The following CHMP2A variants were observed in gnomAD, a reference collection of about 807,000 sequenced individuals.
The protein encoded by CHMP2A is VPS2 homolog A.
CHMP2A carries 6 observed loss-of-function variants against 21.8 expected under a neutral mutation model. The observed-to-expected ratio is 0.28, with a 90% confidence interval of 0.15 to 0.54. The LOEUF (loss-of-function observed/expected upper bound fraction) is 0.54. Ranked by LOEUF, CHMP2A falls within the 20% of genes least tolerant of loss-of-function variation. The pLI, the probability that CHMP2A is intolerant of heterozygous loss-of-function variation, is 0.95. For missense variants in CHMP2A, 303 were observed against 293.9 expected, an observed-to-expected ratio of 1.03 and a Z score of -0.23; for synonymous variants, 125 against 107.0, an observed-to-expected ratio of 1.17 and a Z score of -1.04.
rs2053841134 is a variant in CHMP2A, at chr19:58,552,358, G to A, written c.249C>T (p.Ile83=). The A allele has an allele frequency of 6.2e-7, 1 of 1,614,090 alleles. No homozygotes were observed. The highest frequency in any genetic ancestry group is 1.1e-5 in the South Asian group (1 of 91,092). The change falls in exon 3 of 6, where the codon ATC becomes ATT. Residue 83 remains isoleucine, a synonymous_variant. Transcript: ENST00000312547. ...TCTGGATCTTGAGGGACACAGCCTGGATGTTGGCCCGCATCAATACAAACT... is the reference window on the plus strand; with the variant it reads ...TCTGGATCTTGAGGGACACAGCCTGAATGTTGGCCCGCATCAATACAAACT... ...VRKFVLMRAN[I]QAVSLKIQTL...
chr19:58,553,298 C>T lies in CHMP2A; in HGVS notation c.168+747G>A, dbSNP rs542491520. 1.3e-3 allele frequency among the ~76,000 whole-genome samples: 199 copies of T among 152,092 alleles called. 2 individuals carry two copies. The highest frequency in any genetic ancestry group is 4.7e-3 in the African/African-American group (194 of 41,480). ...TCCTGACCTCAGGTGATCCACCCAC[C>T]TCAGCCTCCCAAAGTGCTGGGATTA... On this transcript the variant is annotated intron_variant, in intron 2 of 5. Transcript: ENST00000312547.
At position 58,551,964 on chromosome 19, in the gene CHMP2A, A is replaced by G; in HGVS notation, c.483T>C (p.Asp161=). 6.2e-7 allele frequency: 1 copy of G among 1,614,178 alleles called. No homozygotes were observed. Residue 161 remains aspartate (D), a synonymous_variant, in exon 5 of 6, where the codon GAT becomes GAC. Coordinates refer to ENST00000312547, the MANE Select transcript of CHMP2A (RefSeq NM_014453.4). The part of the protein sequence containing the change: ...MGDEEDEEES[D]AVVSQVLDEL... ...CATCCAGAACCTGGGACACCACAGC[A>G]TCACTAGGGAAGAGAGAGAACTCAG...
chr19:58,553,922 C>T lies in CHMP2A; in HGVS notation c.168+123G>A, dbSNP rs1439395957. On this transcript the variant is annotated intron_variant, in intron 2 of 5. Transcript: ENST00000312547. ...TCCAGACCCTCAAACTAGGGAAGCC[C>T]TGCTGACCTTTCACTCCACTCGTTT... The T allele has an allele frequency of 3.1e-6, 4 of 1,302,300 alleles. No homozygotes were observed. The East Asian group carries it at 6.9e-5, about 23-fold the overall frequency. The allele number at this position is 1,302,300 out of a possible 1,614,324, so 80.7% of individuals were successfully genotyped here.
At position 58,554,108 on chromosome 19, in the gene CHMP2A, T is replaced by C. The variant is rs200176915; in HGVS notation, c.105A>G (p.Lys35=). 1.7e-5 allele frequency: 27 copies of C among 1,614,170 alleles called. No homozygotes were observed. The South Asian group carries it at 2.6e-4, about 16-fold the overall frequency. The part of the protein sequence containing the change: ...AMRELDRERQ[K]LETQEKKIIA... ...TGATTTTCTTCTCCTGGGTCTCTAG[T>C]TTCTGTCGCTCGCGGTCCAGCTCCC... Residue 35 remains lysine (K), a synonymous_variant, in exon 2 of 6, where the codon AAA becomes AAG. Coordinates refer to ENST00000312547, the MANE Select transcript of CHMP2A (RefSeq NM_014453.4).
chr19:58,552,445 AGT>A lies in CHMP2A; in HGVS notation c.169-9_169-8del. The A allele has an allele frequency of 6.2e-7, 1 of 1,612,194 alleles. No homozygotes were observed. Among genetic ancestry groups the A allele is most frequent in the Non-Finnish European group, 8.5e-7 (1 of 1,178,762 alleles). On this transcript the variant is annotated splice_region_variant and splice_polypyrimidine_tract_variant and intron_variant, in intron 2 of 5. Transcript: ENST00000312547. ...CCATGATGCGAACAGCATCCTGCAG[AGT>A]AGACAAGGGTATCAAGGACACAGGA...
intron 1 of CHMP2A, chr19:58,554,507 T>G: frequency 1.0e-5 from 4 of 397,246 alleles, no homozygotes; most frequent in Non-Finnish European, 1.8e-5. Context: ...CAAGTTCAGC[T>G]TCCCTCTCCA....
At chr19:58,552,531 C>T in intron 2 of CHMP2A, 93 bp from the exon 3 acceptor site, 1 of 1,261,172 alleles carries the variant, frequency 7.9e-7, no homozygotes, top group East Asian at 2.4e-5. Context: ...CCCACCAGCC[C>T]AATTTGCAAT....
At position 58,554,057 on chromosome 19, in the gene CHMP2A, C is replaced by G. The variant is rs548744646; in HGVS notation, c.156G>C (p.Lys52Asn). 21 of 1,613,758 alleles carry G rather than the reference C, an allele frequency of 1.3e-5. No individual in the cohort carries two copies. The highest frequency in any genetic ancestry group is 1.7e-5 in the Non-Finnish European group (20 of 1,180,026). Residue 52 changes from lysine to asparagine, a missense_variant, in exon 2 of 6, where the codon AAG becomes AAC. By Grantham distance (94) the Lys-to-Asn change is moderately conservative (BLOSUM62 0). Transcript: ENST00000312547. Reference sequence around the variant, plus strand: ...CACCCACACTCACCATCTGGCCTTGCTTGGCCATCTTCTTAATGTCTGCAA... The same window carrying G: ...CACCCACACTCACCATCTGGCCTTGGTTGGCCATCTTCTTAATGTCTGCAA... ...KIIADIKKMA[K>N]QGQMDAVRIM...
At chr19:58,553,151 G>A (rs1041959513) in intron 2 of CHMP2A, among the ~76,000 whole-genome samples, 4 of 151,044 alleles carry the variant, frequency 2.6e-5, no homozygotes, top group Non-Finnish European at 5.9e-5. Context: ...TGTGCCTCCC[G>A]GCCTCAAGCG....
chr19:58,553,948 T>C, intron 2 of CHMP2A, 97 bp downstream of exon 2: 1 of 1,509,874 alleles, frequency 6.6e-7, no homozygotes, highest in Non-Finnish European at 9.1e-7. Context: ...CCACTCGTTT[T>C]GCTGAAAGCA....
chr19:58,554,610 G>C, intron 1 of CHMP2A: 1 of 212,012 alleles, frequency 4.7e-6, no homozygotes, highest in South Asian at 6.9e-5. Flanking sequence ...TGTGGGCACC[G>C]AGGACAGAGC....
intron 2 of CHMP2A, among the ~76,000 whole-genome samples, chr19:58,553,220 G>C (rs1303190615): frequency 6.6e-6 from 1 of 152,010 alleles, no homozygotes; most frequent in African/African-American, 2.4e-5. Flanking sequence ...ACCATGCCCG[G>C]CTAATTTTTG....
At position 58,554,227 on chromosome 19, in the gene CHMP2A, A is replaced by T; in HGVS notation, c.-15T>A. ...AATAGGTCCATGATGGTAGAAGCTC[A>T]CTGGCAGGCCTGAGACAGATGTGAG... On this transcript the variant is annotated 5_prime_UTR_variant, in exon 2 of 6. Transcript: ENST00000312547. 6.2e-7 allele frequency: 1 copy of T among 1,606,184 alleles called. No homozygotes were observed. Among genetic ancestry groups the T allele is most frequent in the Non-Finnish European group, 8.5e-7 (1 of 1,175,698 alleles).
Position 58,555,053 on chromosome 19 carries a change from G to T in CHMP2A, c.-90C>A, listed in dbSNP as rs968266620. 6.6e-5 allele frequency: 10 copies of T among 152,426 alleles called. No individual in the cohort carries two copies. The highest frequency in any genetic ancestry group is 1.2e-4 in the Non-Finnish European group (8 of 68,214). 9.4% of individuals were successfully genotyped at this position (152,426 alleles called of 1,614,324 possible). ...CTTCTCTTTCTGGGATCCCCGACTT[G>T]CCCACCAACTAAGGCCCCTCGGTCC... On this transcript the variant is annotated 5_prime_UTR_variant, in exon 1 of 6. Coordinates refer to ENST00000312547, the MANE Select transcript of CHMP2A (RefSeq NM_014453.4).
intron 1 of CHMP2A, 125 bp from the exon 2 acceptor site, chr19:58,554,361 G>T: frequency 1.3e-6 from 1 of 797,416 alleles, no homozygotes; most frequent in South Asian, 1.8e-5. Context: ...CAGGAATGAG[G>T]AGCCAAAAGG....
In CHMP2A at chr19:58,554,646, G is replaced by A. The variant is rs2053872103; in HGVS notation, c.-25+342C>T. The A allele has an allele frequency of 1.6e-5, 3 of 182,742 alleles. No individual in the cohort carries two copies. The South Asian group carries it at 2.9e-4, about 18-fold the overall frequency. 11.3% of individuals were successfully genotyped at this position (182,742 alleles called of 1,614,324 possible). On this transcript the variant is annotated intron_variant, in intron 1 of 5. Coordinates refer to ENST00000312547, the MANE Select transcript of CHMP2A (RefSeq NM_014453.4). ...AATTGTGGGGGTTCTGATAGAGGAG[G>A]ACAGGATGGGCGGAAACGCTAAGTA...
In CHMP2A at chr19:58,551,737, CCAG is replaced by C; in HGVS notation, c.578_580del (p.Ala193del). 6.2e-7 allele frequency: 1 copy of C among 1,614,136 alleles called. No individual in the cohort carries two copies. The highest frequency in any genetic ancestry group is 8.5e-7 in the Non-Finnish European group (1 of 1,180,046). The stretch of plus-strand genomic sequence containing the variant: ...GGCTGCGGCCTCTGCTTTTTTCCCA[CCAG>C]CAGCCACACTAAGCGAGCCCCCAGT... On this transcript the variant is annotated inframe_deletion, in exon 6 of 6. Coordinates refer to ENST00000312547, the MANE Select transcript of CHMP2A (RefSeq NM_014453.4).
At chr19:58,553,405 CTG>C (rs2053855814) in intron 2 of CHMP2A, among the ~76,000 whole-genome samples, 1 of 132,706 alleles carries the variant, frequency 7.5e-6, no homozygotes, top group Admixed American at 7.9e-5. Flanking sequence ...GAGTCTCGCT[CTG>C]TCACCCAGGC....
chr19:58,551,789 TG>T lies in CHMP2A; in HGVS notation c.542-14del, dbSNP rs780771859. ...GTTGAGGGGAGGTCTGCAGAGAAAG[TG>T]GGGGTTTGAGCAGGTGGGGTCAGGC... On this transcript the variant is annotated splice_polypyrimidine_tract_variant and intron_variant, in intron 5 of 5. Coordinates refer to ENST00000312547, the MANE Select transcript of CHMP2A (RefSeq NM_014453.4). 1.2e-4 allele frequency: 186 copies of T among 1,613,276 alleles called. No individual in the cohort carries two copies. The highest frequency in any genetic ancestry group is 1.5e-4 in the Non-Finnish European group (173 of 1,179,848).
Sources: gnomAD v4.1 joint callset for allele counts (sites outside exome capture counted in the v4.1 genomes callset) on GRCh38, gnomAD v4.1.1 for gene constraint, MANE v1.5 for transcripts, NCBI Gene and HGNC (gene_info 2026-07-23, HGNC 2026-07-21) for gene names.